NEGR1: variants seen among roughly 807,000 people sequenced by gnomAD.
The protein encoded by NEGR1 is IgLON family member 4.
Under a neutral mutation model 40.9 loss-of-function variants are expected in NEGR1, and 10 were observed. The observed-to-expected ratio is 0.24, with a 90% CI of 0.15 to 0.42. The LOEUF (loss-of-function observed/expected upper bound fraction) is 0.42, where lower values mean the gene tolerates loss of function less well. Ranked by LOEUF, NEGR1 falls within the 10% of genes least tolerant of loss-of-function variation. The pLI is 1.00. For synonymous variants in NEGR1, 185 were observed against 166.8 expected, an observed-to-expected ratio of 1.11 and a Z score of -0.84; for missense variants, 352 against 438.9, an observed-to-expected ratio of 0.80 and a Z score of 1.77.
chr1:71,622,530 T>A (rs1181377166), intron 4 of NEGR1, among the ~76,000 whole-genome samples: 4 of 151,834 alleles, frequency 2.6e-5, no homozygotes, highest in Admixed American at 1.3e-4. Flanking sequence ...AACATAAGAA[T>A]TTTTTTGTAA....
chr1:71,875,181 A>G (rs1476074458), intron 2 of NEGR1, among the ~76,000 whole-genome samples: 2 of 152,166 alleles, frequency 1.3e-5, no homozygotes, highest in African/African-American at 4.8e-5. Context: ...TACTTATATT[A>G]CATCACAAAT....
chr1:72,185,668 C>T (rs1454839522), intron 1 of NEGR1, among the ~76,000 whole-genome samples: 1 of 151,846 alleles, frequency 6.6e-6, no homozygotes, highest in Non-Finnish European at 1.5e-5. Context: ...AGATGAAAAA[C>T]ATTAAAATAC....
intron 2 of NEGR1, among the ~76,000 whole-genome samples, chr1:71,778,674 A>G (rs1656597352): frequency 6.6e-6 from 1 of 152,134 alleles, no homozygotes; most frequent in South Asian, 2.1e-4. Context: ...GACTTTACTT[A>G]ATTATTTAAA....
intron 3 of NEGR1, among the ~76,000 whole-genome samples, chr1:71,703,985 A>T (rs1653798436): frequency 6.6e-6 from 1 of 152,034 alleles, no homozygotes; most frequent in African/African-American, 2.4e-5. Flanking sequence ...AATAAAAATC[A>T]TACAAAAGAA....
At chr1:71,946,075 G>T (rs1385539609) in intron 1 of NEGR1, among the ~76,000 whole-genome samples, 2 of 151,852 alleles carry the variant, frequency 1.3e-5, no homozygotes, top group Non-Finnish European at 2.9e-5. Context: ...GAGTGACAGG[G>T]TCTCACTCTG....
rs748271229 is a variant in NEGR1 at position 72,282,504 on chromosome 1, G to T, written c.-10C>A. 6.2e-7 allele frequency: 1 copy of T among 1,608,716 alleles called. No individual in the cohort carries two copies. The highest frequency in any genetic ancestry group is 8.5e-7 in the Non-Finnish European group (1 of 1,178,374). On this transcript the variant is annotated 5_prime_UTR_variant, in exon 1 of 7. Transcript: ENST00000357731. ...ACAGCATCATGTCCATCCCTGCTAG[G>T]GCTGCTCACTCTCCAGCAGCTTTCA...
At chr1:72,256,356 C>T (rs946569124) in intron 1 of NEGR1, among the ~76,000 whole-genome samples, 4 of 152,248 alleles carry the variant, frequency 2.6e-5, no homozygotes, top group South Asian at 4.1e-4. Context: ...GTTTTCACTG[C>T]CATTTATTGA....
chr1:71,448,137 G>A (rs1646595411), intron 6 of NEGR1, among the ~76,000 whole-genome samples: 1 of 152,018 alleles, frequency 6.6e-6, no homozygotes, highest in Admixed American at 6.6e-5. Context: ...GGAAATTTTA[G>A]CGTTTGGCAC....
At chr1:72,003,328 C>G (rs1457008878) in intron 1 of NEGR1, among the ~76,000 whole-genome samples, 1 of 151,772 alleles carries the variant, frequency 6.6e-6, no homozygotes, top group Non-Finnish European at 1.5e-5. Context: ...TAAGCTCAAG[C>G]TGAAGCAGCA....
intron 1 of NEGR1, among the ~76,000 whole-genome samples, chr1:72,121,108 A>G (rs939206430): frequency 6.6e-6 from 1 of 151,908 alleles, no homozygotes; most frequent in Admixed American, 6.6e-5. Flanking sequence ...TACTTTTTGT[A>G]TAAAATACTT....
intron 3 of NEGR1, among the ~76,000 whole-genome samples, chr1:71,699,736 A>G (rs1570228249): frequency 1.3e-5 from 2 of 151,880 alleles, no homozygotes; most frequent in South Asian, 4.2e-4. Flanking sequence ...CTGTGCCCCA[A>G]CCCGACTCTC....
At chr1:72,105,963 G>C (rs944841749) in intron 1 of NEGR1, among the ~76,000 whole-genome samples, 1 of 152,056 alleles carries the variant, frequency 6.6e-6, no homozygotes, top group African/African-American at 2.4e-5. Context: ...ATGCCAGATG[G>C]CAGTGAAAAC....
chr1:71,626,965 A>G (rs1650807059), intron 4 of NEGR1, among the ~76,000 whole-genome samples: 1 of 152,200 alleles, frequency 6.6e-6, no homozygotes, highest in African/African-American at 2.4e-5. Flanking sequence ...CACACCAGTT[A>G]GAATGGCGAT....
chr1:72,161,147 T>C lies in NEGR1; in HGVS notation c.176+121172A>G, dbSNP rs1004487586. 3.3e-5 allele frequency among the ~76,000 whole-genome samples: 5 copies of C among 150,792 alleles called. No individual in the cohort carries two copies. The East Asian group carries it at 7.7e-4, about 23-fold the overall frequency. ...AGCTCTGAGAGTTCCTTCATCATAA[T>C]CTAGGACAGATTTGTAAAGAAACTG... On this transcript the variant is annotated intron_variant, in intron 1 of 6. Transcript: ENST00000357731.
In NEGR1 at chr1:71,398,272, A is replaced by G. The variant is rs1328916741; in HGVS notation, c.*9174T>C. On this transcript the variant is annotated 3_prime_UTR_variant, in exon 7 of 7. Transcript: ENST00000357731. ...ATCCCAGAATCATAAATCCACTAAC[A>G]GCTTGCACCATGCACCTGGAAAAGG... The G allele has an allele frequency of 6.6e-6, 1 of 152,466 alleles. No homozygotes were observed. The highest frequency in any genetic ancestry group is 6.5e-5 in the Admixed American group (1 of 15,286). The allele number at this position is 152,466 out of a possible 1,614,324, so 9.4% of individuals were successfully genotyped here. A position where few individuals can be genotyped will look rare whatever the true frequency, so the allele number is the denominator to read the frequency against.
intron 2 of NEGR1, among the ~76,000 whole-genome samples, chr1:71,926,985 C>G (rs1327820769): frequency 2.0e-5 from 3 of 152,020 alleles, no homozygotes; most frequent in Non-Finnish European, 4.4e-5. Flanking sequence ...TTCAATAATT[C>G]TGAATATTAG....
chr1:71,812,949 C>T (rs866259013), intron 2 of NEGR1, among the ~76,000 whole-genome samples: 6 of 151,934 alleles, frequency 3.9e-5, no homozygotes, highest in Middle Eastern at 6.8e-3. Context: ...ATATCCAATG[C>T]GTCAATTTTT....
At chr1:72,124,334 C>T (rs1376067110) in intron 1 of NEGR1, among the ~76,000 whole-genome samples, 1 of 151,718 alleles carries the variant, frequency 6.6e-6, no homozygotes, top group Non-Finnish European at 1.5e-5. Flanking sequence ...CTATTATGGC[C>T]CTGCTTACCC....
rs1357712187 is a variant in NEGR1 at position 71,404,328 on chromosome 1, C to G, written c.*3118G>C. ...TTCTCCCTCTCAAATCTTTTAGTGT[C>G]TCAAAAACACCCACATTACTATAAC... On this transcript the variant is annotated 3_prime_UTR_variant, in exon 7 of 7. Coordinates refer to ENST00000357731, the MANE Select transcript of NEGR1 (RefSeq NM_173808.3). 2 of 151,932 alleles carry G rather than the reference C, an allele frequency of 1.3e-5. No homozygotes were observed. The highest frequency in any genetic ancestry group is 3.0e-5 in the Non-Finnish European group (2 of 67,654). The allele number at this position is 151,932 out of a possible 1,614,324, so 9.4% of individuals were successfully genotyped here. A position where few individuals can be genotyped will look rare whatever the true frequency, so the allele number is the denominator to read the frequency against.
Sources: allele counts gnomAD v4.1 joint callset (sites outside exome capture counted in the v4.1 genomes callset), GRCh38; gene constraint gnomAD v4.1.1; transcripts MANE v1.5; gene names NCBI Gene and HGNC (gene_info 2026-07-23, HGNC 2026-07-21).